Variants in TOM1L2 observed in about 807,000 individuals in gnomAD.
The protein encoded by TOM1L2 is TOM1-like protein 2.
Under a neutral mutation model 67.9 loss-of-function variants are expected in TOM1L2, and 31 were observed. The ratio of observed to expected loss-of-function variants is 0.46; its 90% confidence interval spans 0.34 to 0.62. The LOEUF is 0.62. Among genes scored for constraint, TOM1L2 ranks in the 20% least tolerant of loss-of-function variants. The pLI, the probability that TOM1L2 is intolerant of heterozygous loss-of-function variation, is 0.01. For synonymous variants in TOM1L2, 256 were observed against 254.0 expected, an observed-to-expected ratio of 1.01 and a Z score of -0.07; for missense variants, 606 against 663.5, an observed-to-expected ratio of 0.91 and a Z score of 0.95.
chr17:17,908,090 G>A (rs1157878781), intron 1 of TOM1L2, among the ~76,000 whole-genome samples: 2 of 152,204 alleles, frequency 1.3e-5, no homozygotes, highest in African/African-American at 4.8e-5. Context: ...TTTCAGATAA[G>A]GGGGAGAAAG....
chr17:17,884,535 G>A, intron 5 of TOM1L2, 99 bp downstream of exon 5: 3 of 1,527,480 alleles, frequency 2.0e-6, no homozygotes, highest in Non-Finnish European at 2.7e-6. Flanking sequence ...ATGATGACAA[G>A]CTGAATAATT....
chr17:17,883,666 G>A (rs77574734), intron 5 of TOM1L2, among the ~76,000 whole-genome samples: 5,985 of 152,208 alleles, frequency 0.039, 316 homozygotes, highest in East Asian at 0.27. Flanking sequence ...CCCAGAAGGC[G>A]GAGCGTGCAG....
chr17:17,965,834 A>G (rs1350778629), intron 1 of TOM1L2, among the ~76,000 whole-genome samples: 1 of 152,106 alleles, frequency 6.6e-6, no homozygotes, highest in Non-Finnish European at 1.5e-5. Context: ...AAACCCCAAA[A>G]ACGGGGCCGG....
At chr17:17,912,228 C>A (rs1365665339) in intron 1 of TOM1L2, among the ~76,000 whole-genome samples, 7 of 142,590 alleles carry the variant, frequency 4.9e-5, no homozygotes, top group Non-Finnish European at 1.1e-4. Flanking sequence ...CCAGTAGGGG[C>A]GGCTGGGCAG....
At chr17:17,947,770 TG>T (rs750068888) in intron 1 of TOM1L2, among the ~76,000 whole-genome samples, 2 of 152,262 alleles carry the variant, frequency 1.3e-5, no homozygotes, top group Non-Finnish European at 2.9e-5. Flanking sequence ...TTACTGGAGC[TG>T]GGACTCAAAG....
intron 3 of TOM1L2, among the ~76,000 whole-genome samples, chr17:17,894,795 G>A (rs2038469719): frequency 6.6e-6 from 1 of 152,208 alleles, no homozygotes; most frequent in Non-Finnish European, 1.5e-5. Context: ...GCCAGGCTTG[G>A]TGGCACATGC....
intron 3 of TOM1L2, among the ~76,000 whole-genome samples, chr17:17,897,598 T>G (rs769247640): frequency 6.6e-6 from 1 of 152,228 alleles, no homozygotes; most frequent in African/African-American, 2.4e-5. Context: ...TTAAATTCTC[T>G]GACAGCTTTG....
chr17:17,901,316 T>C (rs1025573693), intron 2 of TOM1L2, among the ~76,000 whole-genome samples: 3 of 152,160 alleles, frequency 2.0e-5, no homozygotes, highest in Admixed American at 6.5e-5. Flanking sequence ...AGAGCCAAGA[T>C]GGAGCAGAAA....
At chr17:17,942,918 A>G (rs1454036183) in intron 1 of TOM1L2, among the ~76,000 whole-genome samples, 1 of 152,194 alleles carries the variant, frequency 6.6e-6, no homozygotes, top group Non-Finnish European at 1.5e-5. Context: ...GAAGTAAACA[A>G]AAAGCTGTTT....
chr17:17,907,065 C>T (rs1030224733), intron 2 of TOM1L2, among the ~76,000 whole-genome samples: 49 of 152,362 alleles, frequency 3.2e-4, no homozygotes, highest in African/African-American at 1.1e-3. Context: ...TGCTCTCTGA[C>T]TCCTGGCAAA....
intron 7 of TOM1L2, among the ~76,000 whole-genome samples, chr17:17,878,195 C>T (rs2143987985): frequency 6.6e-6 from 1 of 152,362 alleles, no homozygotes; most frequent in African/African-American, 2.4e-5. Flanking sequence ...AAGCCAGGTC[C>T]CCTGGAGTGT....
At chr17:17,886,478 C>T (rs1225805725) in intron 4 of TOM1L2, among the ~76,000 whole-genome samples, 1 of 152,226 alleles carries the variant, frequency 6.6e-6, no homozygotes, top group Non-Finnish European at 1.5e-5. Context: ...CCACCAGCTG[C>T]GCTGGCTGCC....
At chr17:17,910,822 G>A (rs1338432270) in intron 1 of TOM1L2, among the ~76,000 whole-genome samples, 3 of 152,264 alleles carry the variant, frequency 2.0e-5, no homozygotes, top group African/African-American at 7.2e-5. Context: ...ACCCACCTCA[G>A]CCTCCCAAAG....
At chr17:17,854,530 AT>A (rs931228804) in intron 12 of TOM1L2, among the ~76,000 whole-genome samples, 1 of 151,652 alleles carries the variant, frequency 6.6e-6, no homozygotes, top group Non-Finnish European at 1.5e-5. Flanking sequence ...TATTTAATTA[AT>A]TAATTTATTT....
At chr17:17,927,407 C>T (rs1263857629) in intron 1 of TOM1L2, among the ~76,000 whole-genome samples, 2 of 152,268 alleles carry the variant, frequency 1.3e-5, no homozygotes, top group East Asian at 3.9e-4. Flanking sequence ...TTTATCCCTT[C>T]TTCTTTCCCT....
intron 1 of TOM1L2, among the ~76,000 whole-genome samples, chr17:17,959,636 G>A (rs181987485): frequency 7.9e-5 from 12 of 152,192 alleles, no homozygotes; most frequent in East Asian, 5.8e-4. Flanking sequence ...GACTAATGAC[G>A]TGCCAGAAAT....
chr17:17,916,136 C>T (rs563643215), intron 1 of TOM1L2, among the ~76,000 whole-genome samples: 4 of 149,432 alleles, frequency 2.7e-5, no homozygotes, highest in African/African-American at 2.5e-5. Flanking sequence ...TGCAGTGGCG[C>T]GATCTCAGCT....
chr17:17,902,056 A>C (rs183047943), intron 2 of TOM1L2, among the ~76,000 whole-genome samples: 90 of 152,260 alleles, frequency 5.9e-4, no homozygotes, highest in African/African-American at 2.1e-3. Flanking sequence ...CACACCTATA[A>C]TCCCAGCTAC....
intron 1 of TOM1L2, among the ~76,000 whole-genome samples, chr17:17,961,010 G>T (rs1419784683): frequency 6.6e-6 from 1 of 152,178 alleles, no homozygotes; most frequent in African/African-American, 2.4e-5. Flanking sequence ...CACAGAATGG[G>T]AGAAAATATT....
Sources: allele counts gnomAD v4.1 joint callset (sites outside exome capture counted in the v4.1 genomes callset), GRCh38; gene constraint gnomAD v4.1.1; transcripts MANE v1.5; gene names NCBI Gene and HGNC (gene_info 2026-07-23, HGNC 2026-07-21).